The following PEX5L variants were observed in gnomAD, a reference collection of about 807,000 sequenced individuals.
The protein encoded by PEX5L is peroxisomal biogenesis factor 5 like.
Under a neutral mutation model 84.0 loss-of-function variants are expected in PEX5L, and 30 were observed. The ratio of observed to expected loss-of-function variants is 0.36; its 90% confidence interval spans 0.27 to 0.48. PEX5L has a LOEUF of 0.48. Among genes scored for constraint, PEX5L ranks in the 20% least tolerant of loss-of-function variants. The pLI is 0.99. For missense variants in PEX5L, 533 were observed against 754.6 expected (o/e 0.71, Z 3.44); for synonymous variants, 270 against 283.1 (o/e 0.95, Z 0.46).
chr3:179,890,876 T>C (rs1278047493), intron 3 of PEX5L, among the ~76,000 whole-genome samples: 1 of 151,874 alleles, frequency 6.6e-6, no homozygotes, highest in African/African-American at 2.4e-5. Context: ...GTAAAATGTT[T>C]GTTAACATCT....
intron 2 of PEX5L, among the ~76,000 whole-genome samples, chr3:179,906,994 A>G (rs1326237369): frequency 6.6e-6 from 1 of 152,196 alleles, no homozygotes; most frequent in Non-Finnish European, 1.5e-5. Flanking sequence ...AAGTAGGGAA[A>G]GAGGTCTTGA....
At chr3:179,951,262 T>C (rs1779012763) in intron 2 of PEX5L, among the ~76,000 whole-genome samples, 1 of 152,198 alleles carries the variant, frequency 6.6e-6, no homozygotes, top group Admixed American at 6.5e-5. Context: ...GTGTGATCAT[T>C]AGAGTTGAGA....
At chr3:179,833,807 T>TCA (rs1289905258) in intron 8 of PEX5L, among the ~76,000 whole-genome samples, 11 of 152,146 alleles carry the variant, frequency 7.2e-5, no homozygotes, top group East Asian at 1.9e-4. Context: ...TCTCTCTCTC[T>TCA]CTCACACACA....
chr3:179,875,561 G>A (rs917085430), intron 5 of PEX5L, 84 bp from the exon 6 acceptor site: 19 of 923,724 alleles, frequency 2.1e-5, no homozygotes, highest in Middle Eastern at 2.3e-4. Flanking sequence ...GGTGAGGGTG[G>A]AGCGTGTGGT....
chr3:179,902,082 C>T (rs1023937077), intron 2 of PEX5L: 1 of 152,282 alleles, frequency 6.6e-6, no homozygotes, highest in Non-Finnish European at 1.5e-5. Flanking sequence ...GCGCTGGGCA[C>T]TCTGGTAAAT....
chr3:179,833,217 T>G (rs181931608), intron 8 of PEX5L, among the ~76,000 whole-genome samples: 60 of 152,304 alleles, frequency 3.9e-4, no homozygotes, highest in African/African-American at 1.4e-3. Context: ...GTTTTCTGAG[T>G]GAAGAAATAA....
intron 2 of PEX5L, among the ~76,000 whole-genome samples, chr3:179,946,609 T>C (rs933580475): frequency 3.9e-5 from 6 of 152,200 alleles, no homozygotes; most frequent in Non-Finnish European, 7.3e-5. Context: ...GTAGAGTCAC[T>C]AACAGGGTTT....
At chr3:179,868,751 C>G (rs150557180) in intron 7 of PEX5L, among the ~76,000 whole-genome samples, 41 of 152,212 alleles carry the variant, frequency 2.7e-4, no homozygotes, top group African/African-American at 9.9e-4. Context: ...ATAAGGCCCC[C>G]TTTGCTAGCC....
intron 9 of PEX5L, among the ~76,000 whole-genome samples, chr3:179,817,178 T>C (rs532341198): frequency 5.1e-4 from 78 of 152,332 alleles, no homozygotes; most frequent in African/African-American, 1.9e-3. Context: ...ATTGCCCCTG[T>C]TGAGCATGCA....
intron 4 of PEX5L, among the ~76,000 whole-genome samples, chr3:179,886,206 A>C (rs1246204987): frequency 6.6e-6 from 1 of 152,152 alleles, no homozygotes; most frequent in African/African-American, 2.4e-5. Context: ...TGGACATACA[A>C]GGTTATCTGT....
At chr3:180,005,231 T>G (rs1414089567) in intron 1 of PEX5L, among the ~76,000 whole-genome samples, 1 of 152,132 alleles carries the variant, frequency 6.6e-6, no homozygotes, top group African/African-American at 2.4e-5. Context: ...TGTAAATGGA[T>G]TGATGAGCGG....
At chr3:179,933,036 G>A (rs62293070) in intron 2 of PEX5L, among the ~76,000 whole-genome samples, 15,303 of 152,118 alleles carry the variant, frequency 0.1, 1,068 homozygotes, top group Non-Finnish European at 0.16. Context: ...ACAGCCTCTG[G>A]TAACCACCAT....
At chr3:180,032,087 T>A (rs1791516225) in intron 1 of PEX5L, among the ~76,000 whole-genome samples, 1 of 152,200 alleles carries the variant, frequency 6.6e-6, no homozygotes. Flanking sequence ...ACCACAACTA[T>A]TATAACTTTC....
intron 10 of PEX5L, among the ~76,000 whole-genome samples, chr3:179,815,311 G>A (rs538398198): frequency 3.3e-5 from 5 of 152,330 alleles, no homozygotes; most frequent in Admixed American, 6.5e-5. Context: ...ACCGCTGGGC[G>A]CGGTGGCTCA....
chr3:179,851,295 G>T (rs2108453865), intron 8 of PEX5L, among the ~76,000 whole-genome samples: 1 of 152,286 alleles, frequency 6.6e-6, no homozygotes, highest in East Asian at 1.9e-4. Flanking sequence ...TTAGGTGTCT[G>T]GTGAGGGCCT....
At position 179,831,664 on chromosome 3, in the gene PEX5L, GAACCC is replaced by G. The variant is rs554200773; in HGVS notation, c.823-11693_823-11689del. On this transcript the variant is annotated intron_variant, in intron 8 of 14. Coordinates refer to ENST00000467460, the MANE Select transcript of PEX5L (RefSeq NM_016559.3). ...AGGAAAGGTGCTCTGGGAGAGGAGA[GAACCC>G]AACCTAGACTTAGGAGTTCAGGAGT... 7.5e-3 allele frequency among the ~76,000 whole-genome samples: 1,145 copies of G among 152,224 alleles called. 14 individuals are homozygous for G. Among genetic ancestry groups the G allele is most frequent in the Non-Finnish European group, 0.01 (703 of 68,018 alleles).
rs1234599356 is a variant in PEX5L, at chr3:179,907,589, C to A, written c.94-9343G>T. 3.3e-5 allele frequency among the ~76,000 whole-genome samples: 5 copies of A among 152,288 alleles called. 1 individual carries two copies. The South Asian group carries it at 1.0e-3, about 32-fold the overall frequency. The stretch of plus-strand genomic sequence containing the variant: ...TTGGCCTCTCATTGTGCTGAGATTA[C>A]AGGCATGAGCCATCATGTCTCGTCT... On this transcript the variant is annotated intron_variant, in intron 2 of 14. Coordinates refer to ENST00000467460, the MANE Select transcript of PEX5L (RefSeq NM_016559.3).
chr3:180,010,703 T>C (rs888030241), intron 1 of PEX5L, among the ~76,000 whole-genome samples: 1 of 151,934 alleles, frequency 6.6e-6, no homozygotes, highest in Non-Finnish European at 1.5e-5. Context: ...TCATCTAGTA[T>C]CAATCTCATA....
At position 179,880,081 on chromosome 3, in the gene PEX5L, A is replaced by G. The variant is rs1322277494; in HGVS notation, c.353T>C (p.Val118Ala). 5 of 1,613,368 alleles carry G rather than the reference A, an allele frequency of 3.1e-6. No homozygotes were observed. The African/African-American group carries it at 4.0e-5, about 13-fold the overall frequency. ...GLDLLDLSEP[V>A]SQTQTKAKKS... The stretch of plus-strand genomic sequence containing the variant: ...CTTGGCTTTGGTTTGGGTTTGAGAG[A>G]CTGGTTCACTCAGGTCGAGGAGATC... Residue 118 changes from valine (V) to alanine (A), a missense_variant, in exon 5 of 15, where the codon GTC (valine) becomes GCC (alanine). Coordinates refer to ENST00000467460, the MANE Select transcript of PEX5L (RefSeq NM_016559.3).
Sources: allele counts gnomAD v4.1 joint callset (sites outside exome capture counted in the v4.1 genomes callset), GRCh38; gene constraint gnomAD v4.1.1; transcripts MANE v1.5; gene names NCBI Gene and HGNC (gene_info 2026-07-23, HGNC 2026-07-21).